ZC4H2: variants seen among roughly 807,000 people sequenced by gnomAD.
The protein encoded by ZC4H2 is zinc finger C4H2 domain-containing protein.
For synonymous variants in ZC4H2, 84 were observed against 66.3 expected (o/e 1.27, Z -1.30); for missense variants, 137 against 173.9 (o/e 0.79, Z 1.19).
intron 1 of ZC4H2, among the ~76,000 whole-genome samples, chrX:64,925,649 T>C (rs953360944): frequency 8.9e-6 from 1 of 111,980 alleles, no homozygotes; most frequent in Non-Finnish European, 1.9e-5. Context: ...CCTCCCTCCA[T>C]GCCTACTTCT....
At chrX:65,029,100 C>T in intron 1 of ZC4H2, among the ~76,000 whole-genome samples, 1 of 110,412 alleles carries the variant, frequency 9.1e-6, no homozygotes, top group Non-Finnish European at 1.9e-5. Flanking sequence ...AGGGGGAAAA[C>T]TAACGTTTTA....
At chrX:64,946,313 G>T (rs765533877) in intron 1 of ZC4H2, among the ~76,000 whole-genome samples, 1 of 111,322 alleles carries the variant, frequency 9.0e-6, no homozygotes, top group African/African-American at 3.3e-5. Flanking sequence ...ATCTGGGGCA[G>T]ATAGCACAGC....
At chrX:64,946,488 C>T (rs184074623) in intron 1 of ZC4H2, among the ~76,000 whole-genome samples, 2 of 109,270 alleles carry the variant, frequency 1.8e-5, no homozygotes, top group East Asian at 5.8e-4. Flanking sequence ...GCAGCAGTCA[C>T]CCACCTCCTG....
intron 1 of ZC4H2, among the ~76,000 whole-genome samples, chrX:65,019,656 C>T (rs1932822119): frequency 8.9e-6 from 1 of 111,951 alleles, no homozygotes; most frequent in Non-Finnish European, 1.9e-5. Context: ...TCCTCGCCAG[C>T]AAGGGAACAA....
chrX:65,004,912 T>A (rs758639356), intron 1 of ZC4H2, among the ~76,000 whole-genome samples: 6 of 111,348 alleles, frequency 5.4e-5, no homozygotes, highest in African/African-American at 2.0e-4. Flanking sequence ...TGTGCAAAAA[T>A]CACAAGCATT....
chrX:64,956,388 T>A (rs914181608), intron 1 of ZC4H2, among the ~76,000 whole-genome samples: 2 of 111,478 alleles, frequency 1.8e-5, no homozygotes, highest in Non-Finnish European at 3.8e-5. Context: ...GTCTCCCTTG[T>A]GCGCTGCATT....
At chrX:65,018,148 A>G (rs1450680286) in intron 1 of ZC4H2, among the ~76,000 whole-genome samples, 1 of 112,759 alleles carries the variant, frequency 8.9e-6, no homozygotes, top group African/African-American at 3.2e-5. Flanking sequence ...TAACTCCATT[A>G]AAAAGTGGGC....
Position 64,916,784 on chromosome X carries a change from G to A in ZC4H2, c.*999C>T, listed in dbSNP as rs907641629. On this transcript the variant is annotated 3_prime_UTR_variant, in exon 5 of 5. Transcript: ENST00000374839. The stretch of plus-strand genomic sequence containing the variant: ...TGGCCAGCAGCTATCCTGAGCTGAG[G>A]CTCCAGAAGAGTTCAGATCCAAGAG... The A allele has an allele frequency of 9.0e-6, 1 of 111,708 alleles. No homozygotes were observed. Among genetic ancestry groups the A allele is most frequent in the African/African-American group, 3.3e-5 (1 of 30,665 alleles). 9.2% of individuals were successfully genotyped at this position (111,708 alleles called of 1,213,427 possible).
At chrX:64,932,030 G>T (rs1929775088) in intron 1 of ZC4H2, among the ~76,000 whole-genome samples, 1 of 110,852 alleles carries the variant, frequency 9.0e-6, no homozygotes, top group African/African-American at 3.3e-5. Context: ...AAATTTAGGT[G>T]CTCCAGTGTT....
intron 1 of ZC4H2, among the ~76,000 whole-genome samples, chrX:65,021,892 AAAC>A (rs1469000344): frequency 2.7e-5 from 3 of 112,105 alleles, no homozygotes; most frequent in African/African-American, 6.5e-5. Flanking sequence ...AGAATACTAT[AAAC>A]AACTCTATGC....
intron 1 of ZC4H2, among the ~76,000 whole-genome samples, chrX:64,985,227 C>A (rs996247874): frequency 1.6e-4 from 18 of 111,659 alleles, no homozygotes; most frequent in African/African-American, 5.9e-4. Context: ...AGTGGGATTG[C>A]TGGGTTGAAT....
chrX:64,992,828 C>T (rs187149606), intron 1 of ZC4H2, among the ~76,000 whole-genome samples: 66 of 111,828 alleles, frequency 5.9e-4, no homozygotes, highest in African/African-American at 2.1e-3. Flanking sequence ...CAGATCTAAT[C>T]CTTGCACCTC....
At chrX:64,935,948 C>T (rs191628550) in intron 1 of ZC4H2, among the ~76,000 whole-genome samples, 20 of 110,512 alleles carry the variant, frequency 1.8e-4, no homozygotes, top group African/African-American at 5.6e-4. Flanking sequence ...AATTAGGCTT[C>T]GGAAGGTGGG....
At position 64,925,257 on chromosome X, in the gene ZC4H2, T is replaced by C. The variant is rs149785751; in HGVS notation, c.54-3269A>G. ...CTGGTTACTGAGATTAAAATAATAA[T>C]CATTAGTGGGAGAATGGGAAGGGAA... On this transcript the variant is annotated intron_variant, in intron 1 of 4. Transcript: ENST00000374839. Among the ~76,000 whole-genome samples the C allele has an allele frequency of 6.4e-3, 711 of 111,475 alleles. 1 individual carries two copies. The highest frequency in any genetic ancestry group is 9.2e-3 in the Non-Finnish European group (489 of 53,080).
At chrX:64,937,483 T>C (rs921951856) in intron 1 of ZC4H2, among the ~76,000 whole-genome samples, 5 of 111,626 alleles carry the variant, frequency 4.5e-5, no homozygotes, top group African/African-American at 1.6e-4. Flanking sequence ...AAAGAATATA[T>C]ATTCTTCTCA....
upstream of ZC4H2, among the ~76,000 whole-genome samples, chrX:64,977,732 C>T (rs749648911): frequency 9.0e-6 from 1 of 111,340 alleles, no homozygotes; most frequent in South Asian, 3.9e-4. Context: ...AACTCCTGAG[C>T]TCAAGCAATC....
chrX:64,944,773 G>A (rs1027867463), intron 1 of ZC4H2, among the ~76,000 whole-genome samples: 8 of 111,108 alleles, frequency 7.2e-5, no homozygotes, highest in African/African-American at 2.3e-4. Context: ...GGCTTTGTTC[G>A]CTCCTTTTCA....
rs1929212331 is a variant in ZC4H2 at position 64,921,893 on chromosome X, T to A, written c.149A>T (p.Gln50Leu). 2.5e-6 allele frequency: 3 copies of A among 1,211,008 alleles called. No homozygotes were observed. The highest frequency in any genetic ancestry group is 3.4e-6 in the Non-Finnish European group (3 of 895,420). The change falls in exon 2 of 5, where the codon CAG becomes CTG. Residue 50 changes from glutamine (Q) to leucine (L), a missense_variant. By Grantham distance (113) the Gln-to-Leu change is moderately radical. Transcript: ENST00000374839. ...SEERHLKEYK[Q>L]EMDLLLQEKM... is the part of the protein sequence containing the mutation. Reference sequence around the variant, plus strand: ...CTCCTGTAGCAGAAGGTCCATCTCCTGCTTGTATTCCTTCAGGTGCCTTTC... The same window carrying A: ...CTCCTGTAGCAGAAGGTCCATCTCCAGCTTGTATTCCTTCAGGTGCCTTTC...
At chrX:64,922,193 T>TTGAGC in intron 1 of ZC4H2, 1 of 953,478 alleles carries the variant, frequency 1.0e-6, no homozygotes, top group African/African-American at 2.0e-5. Flanking sequence ...GGAGGATCAC[T>TTGAGC]TGAGCCCAGG....
Sources: gnomAD v4.1 joint callset for allele counts (sites outside exome capture counted in the v4.1 genomes callset) on GRCh38, gnomAD v4.1.1 for gene constraint, MANE v1.5 for transcripts, NCBI Gene and HGNC (gene_info 2026-07-23, HGNC 2026-07-21) for gene names.